NCALD: variants seen among roughly 807,000 people sequenced by gnomAD.
NCALD encodes neurocalcin-delta.
A neutral mutation model predicts 18.6 loss-of-function variants in NCALD; 10 were observed. That is an observed-to-expected ratio of 0.54 (90% CI 0.33 to 0.91). The LOEUF is 0.91. NCALD is among the 40% of genes least tolerant of loss of function. NCALD has a pLI of 0.03. For synonymous variants in NCALD, 88 were observed against 87.4 expected, an observed-to-expected ratio of 1.01 and a Z score of -0.04; for missense variants, 184 against 247.6, an observed-to-expected ratio of 0.74 and a Z score of 1.72.
chr8:101,800,307 A>G (rs2131071535), intron 4 of NCALD, among the ~76,000 whole-genome samples: 1 of 152,304 alleles, frequency 6.6e-6, no homozygotes, highest in African/African-American at 2.4e-5. Flanking sequence ...GCATTCTTGT[A>G]TAAGTACAAA....
chr8:101,984,598 T>G (rs1470378595), intron 2 of NCALD, among the ~76,000 whole-genome samples: 2 of 152,224 alleles, frequency 1.3e-5, no homozygotes, highest in Non-Finnish European at 2.9e-5. Flanking sequence ...AGAGAGGGCT[T>G]AGAGGACTCT....
At chr8:101,893,672 T>G (rs1223786137) in intron 3 of NCALD, among the ~76,000 whole-genome samples, 18 of 126,916 alleles carry the variant, frequency 1.4e-4, no homozygotes, top group Admixed American at 1.1e-3. Context: ...GAGGAAGATC[T>G]ACCAAGCAAA....
chr8:101,865,116 A>T (rs958532097), intron 4 of NCALD, among the ~76,000 whole-genome samples: 7 of 152,210 alleles, frequency 4.6e-5, no homozygotes, highest in African/African-American at 9.7e-5. Context: ...ACACATGCAC[A>T]TCTAAGATTA....
intron 2 of NCALD, among the ~76,000 whole-genome samples, chr8:101,985,389 T>C (rs1016150829): frequency 3.3e-5 from 5 of 152,280 alleles, no homozygotes; most frequent in African/African-American, 1.2e-4. Flanking sequence ...ATGGAAGTGA[T>C]TGTTGTGTTA....
chr8:102,026,959 A>G lies in NCALD; in HGVS notation c.-209-6670T>C, dbSNP rs566296202. Among the ~76,000 whole-genome samples, 11 of 152,324 alleles carry G rather than the reference A, an allele frequency of 7.2e-5. No individual in the cohort carries two copies. In the South Asian group the frequency reaches 2.3e-3, roughly 32 times the overall value. The stretch of plus-strand genomic sequence containing the variant: ...CCTGGGGCTTCCACCCTCTGAAACA[A>G]CAGTCTGAGCTGTACGTTGGCTCCT... On this transcript the variant is annotated intron_variant, in intron 1 of 6. Coordinates refer to the NCALD transcript ENST00000311028.
chr8:101,711,742 G>A (rs540577381), intron 2 of NCALD, among the ~76,000 whole-genome samples: 5 of 151,906 alleles, frequency 3.3e-5, no homozygotes, highest in African/African-American at 1.2e-4. Flanking sequence ...AAAGGAACGA[G>A]CAAAGCCTCC....
intron 2 of NCALD, among the ~76,000 whole-genome samples, chr8:102,001,616 C>T (rs1188001396): frequency 2.0e-5 from 3 of 152,156 alleles, no homozygotes; most frequent in Non-Finnish European, 4.4e-5. Flanking sequence ...ATGTTAAGGG[C>T]AGCCAGAGAA....
chr8:102,009,433 G>A lies in NCALD; in HGVS notation c.-157+10804C>T, dbSNP rs193124183. Among the ~76,000 whole-genome samples the A allele has an allele frequency of 1.6e-3, 251 of 152,286 alleles. 2 individuals are homozygous for A. The highest frequency in any genetic ancestry group is 5.5e-3 in the African/African-American group (228 of 41,558). On this transcript the variant is annotated intron_variant, in intron 2 of 6. Transcript: ENST00000311028. ...TCAGGGTAGACCTGTTTTTGTTTCC[G>A]TCTCCCTGAATAAGGAGGAAAGCTC...
rs140718907 is a variant in NCALD, at chr8:102,109,994, T to G, written c.-210+14243A>C. ...AACCCTACGTCCCAAACATTTTATCTTTTATTCTGCAATCTTTGTAGACAA... is the reference window on the plus strand; with the variant it reads ...AACCCTACGTCCCAAACATTTTATCGTTTATTCTGCAATCTTTGTAGACAA... On this transcript the variant is annotated intron_variant, in intron 1 of 6. Transcript: ENST00000311028. Among the ~76,000 whole-genome samples, 30 of 152,324 alleles carry G rather than the reference T, an allele frequency of 2.0e-4. No homozygotes were observed. In the East Asian group the frequency reaches 5.2e-3, roughly 26 times the overall value.
At chr8:102,105,783 G>A (rs1406108949) in intron 1 of NCALD, among the ~76,000 whole-genome samples, 1 of 152,056 alleles carries the variant, frequency 6.6e-6, no homozygotes, top group Non-Finnish European at 1.5e-5. Flanking sequence ...AGAAATCATG[G>A]CTCCAGAGTG....
chr8:101,865,953 CAA>C (rs1439295030), intron 4 of NCALD, among the ~76,000 whole-genome samples: 1 of 152,148 alleles, frequency 6.6e-6, no homozygotes, highest in Non-Finnish European at 1.5e-5. Flanking sequence ...CAGACGTATT[CAA>C]AAGTGATCCA....
intron 4 of NCALD, among the ~76,000 whole-genome samples, chr8:101,822,605 T>C (rs964783368): frequency 1.8e-4 from 27 of 152,334 alleles, no homozygotes; most frequent in African/African-American, 6.5e-4. Context: ...TCAGTTCTGG[T>C]AGTGGTGGCA....
chr8:101,816,814 T>C (rs1813515672), intron 4 of NCALD, among the ~76,000 whole-genome samples: 1 of 152,176 alleles, frequency 6.6e-6, no homozygotes, highest in South Asian at 2.1e-4. Flanking sequence ...GGTGATTATG[T>C]GTCAAAGTAG....
At chr8:101,894,689 A>T (rs1383223372) in intron 3 of NCALD, among the ~76,000 whole-genome samples, 1 of 151,210 alleles carries the variant, frequency 6.6e-6, no homozygotes, top group Admixed American at 6.6e-5. Context: ...GTATCACCAC[A>T]GATCCCACAG....
intron 2 of NCALD, among the ~76,000 whole-genome samples, chr8:101,937,614 G>A (rs566995739): frequency 2.1e-4 from 32 of 152,120 alleles, no homozygotes; most frequent in Admixed American, 1.0e-3. Context: ...CCATTTCTTT[G>A]TTATTGTGAA....
intron 1 of NCALD, among the ~76,000 whole-genome samples, chr8:102,072,923 T>C (rs970375766): frequency 6.6e-6 from 1 of 152,204 alleles, no homozygotes; most frequent in African/African-American, 2.4e-5. Flanking sequence ...AACTTATCTG[T>C]ATGTGTAAAA....
At chr8:102,026,630 C>T (rs558180585) in intron 1 of NCALD, among the ~76,000 whole-genome samples, 92 of 152,276 alleles carry the variant, frequency 6.0e-4, no homozygotes, top group Non-Finnish European at 1.0e-3. Context: ...GTGTTGAGTG[C>T]CTGTGGCTTT....
chr8:102,014,398 G>A (rs899454664), intron 2 of NCALD, among the ~76,000 whole-genome samples: 1 of 152,056 alleles, frequency 6.6e-6, no homozygotes, highest in South Asian at 2.1e-4. Flanking sequence ...ACCTCCCAAA[G>A]GCTCTCCCTC....
chr8:101,794,877 T>G (rs947292544), upstream of NCALD, among the ~76,000 whole-genome samples: 4 of 152,232 alleles, frequency 2.6e-5, no homozygotes, highest in African/African-American at 7.2e-5. Flanking sequence ...TCATGTTTGT[T>G]TTACACTGTA....
Sources: gnomAD v4.1 joint callset for allele counts (sites outside exome capture counted in the v4.1 genomes callset) on GRCh38, gnomAD v4.1.1 for gene constraint, MANE v1.5 for transcripts, NCBI Gene and HGNC (gene_info 2026-07-23, HGNC 2026-07-21) for gene names.